Variants in NTNG1 observed in about 807,000 individuals in gnomAD.
The protein encoded by NTNG1 is netrin G1.
NTNG1 carries 16 observed loss-of-function variants against 54.0 expected under a neutral mutation model. The ratio of observed to expected loss-of-function variants is 0.30; its 90% CI spans 0.20 to 0.45. The LOEUF (loss-of-function observed/expected upper bound fraction) is 0.45. Ranked by LOEUF, NTNG1 falls within the 20% of genes least tolerant of loss-of-function variation. The probability of loss-of-function intolerance (pLI) is 1.00; values close to 1 mark genes in which losing one functional copy is unlikely to be tolerated. For synonymous variants in NTNG1, 255 were observed against 263.1 expected, an observed-to-expected ratio of 0.97 and a Z score of 0.30; for missense variants, 530 against 678.7, an observed-to-expected ratio of 0.78 and a Z score of 2.43.
intron 3 of NTNG1, among the ~76,000 whole-genome samples, chr1:107,390,094 G>T (rs1013639906): frequency 1.3e-5 from 2 of 152,124 alleles, no homozygotes; most frequent in Admixed American, 1.3e-4. Context: ...GAATGGGGCT[G>T]GTGAGGATAA....
rs774215988 is a variant in NTNG1, at chr1:107,395,247, G to A, written c.981G>A (p.Gly327=). 2 of 1,613,466 alleles carry A rather than the reference G, an allele frequency of 1.2e-6. No homozygotes were observed. The highest frequency in any genetic ancestry group is 1.3e-5 in the African/African-American group (1 of 74,856). Residue 327 remains glycine, a synonymous_variant, in exon 4 of 8, where the codon GGG becomes GGA. Coordinates refer to ENST00000370068, the MANE Select transcript of NTNG1 (RefSeq NM_001113226.3). ...ACAACACTACAGGTCCAGACTGTGGGAAATGCAAGAAGAATTATCAGGGCC... is the reference window on the plus strand; with the variant it reads ...ACAACACTACAGGTCCAGACTGTGGAAAATGCAAGAAGAATTATCAGGGCC... ...CEHNTTGPDC[G]KCKKNYQGRP... is the part of the protein sequence containing the mutation.
intron 2 of NTNG1, among the ~76,000 whole-genome samples, chr1:107,252,638 G>A (rs1662682196): frequency 6.6e-6 from 1 of 152,154 alleles, no homozygotes; most frequent in Non-Finnish European, 1.5e-5. Context: ...AGTTTGCTAA[G>A]ACACTGATTA....
At chr1:107,298,925 T>A (rs575413054) in intron 2 of NTNG1, among the ~76,000 whole-genome samples, 39 of 152,312 alleles carry the variant, frequency 2.6e-4, no homozygotes, top group Admixed American at 7.8e-4. Flanking sequence ...GTTAGCAGCT[T>A]GGGAGAAAAA....
chr1:107,459,754 A>C (rs987365368), intron 7 of NTNG1, among the ~76,000 whole-genome samples: 1 of 152,190 alleles, frequency 6.6e-6, no homozygotes, highest in Non-Finnish European at 1.5e-5. Flanking sequence ...ACTTTAACCT[A>C]GAACGTTGCT....
intron 3 of NTNG1, among the ~76,000 whole-genome samples, chr1:107,327,733 A>G (rs1668047201): frequency 1.3e-5 from 2 of 152,058 alleles, no homozygotes; most frequent in East Asian, 3.9e-4. Context: ...GGAAATTGAC[A>G]TAAGTTATTT....
At position 107,141,155 on chromosome 1, in the gene NTNG1, G is replaced by C. The variant is rs1202354218; in HGVS notation, c.-526+15G>C. 6.6e-6 allele frequency: 1 copy of C among 152,302 alleles called. No homozygotes were observed. Among genetic ancestry groups the C allele is most frequent in the African/African-American group, 2.4e-5 (1 of 41,408 alleles). The allele number at this position is 152,302 out of a possible 1,614,324, so 9.4% of individuals were successfully genotyped here. A position where few individuals can be genotyped will look rare whatever the true frequency, so the allele number is the denominator to read the frequency against. ...CGGAGGCGAAGGTAATTAAGCGGCGGGGAGTGGCGGGCCGGCGCTGGGTTC... is the reference window on the plus strand; with the variant it reads ...CGGAGGCGAAGGTAATTAAGCGGCGCGGAGTGGCGGGCCGGCGCTGGGTTC... On this transcript the variant is annotated intron_variant, in intron 1 of 7. Coordinates refer to ENST00000370068, the MANE Select transcript of NTNG1 (RefSeq NM_001113226.3).
At chr1:107,278,112 G>A (rs1664601038) in intron 2 of NTNG1, among the ~76,000 whole-genome samples, 1 of 152,018 alleles carries the variant, frequency 6.6e-6, no homozygotes, top group African/African-American at 2.4e-5. Context: ...TTTTCTCATG[G>A]GCTTCATCTT....
intron 4 of NTNG1, among the ~76,000 whole-genome samples, chr1:107,403,391 C>G (rs982156590): frequency 1.3e-5 from 2 of 152,026 alleles, no homozygotes; most frequent in African/African-American, 4.8e-5. Context: ...TAAAATAGTA[C>G]TAATTGCAGA....
intron 2 of NTNG1, among the ~76,000 whole-genome samples, chr1:107,258,297 A>C (rs1288890901): frequency 6.6e-6 from 1 of 151,766 alleles, no homozygotes; most frequent in African/African-American, 2.4e-5. Flanking sequence ...GGAAAAAAAA[A>C]AACCCATGAT....
At chr1:107,250,905 C>T (rs901549337) in intron 2 of NTNG1, among the ~76,000 whole-genome samples, 1 of 152,180 alleles carries the variant, frequency 6.6e-6, no homozygotes, top group African/African-American at 2.4e-5. Flanking sequence ...GGATTTACCA[C>T]CACTGGCAAA....
intron 2 of NTNG1, among the ~76,000 whole-genome samples, chr1:107,293,711 T>G (rs1227826072): frequency 1.3e-5 from 2 of 152,128 alleles, no homozygotes; most frequent in Admixed American, 1.3e-4. Flanking sequence ...GTTGTAAGGA[T>G]TAAATGAGAT....
chr1:107,368,334 A>T (rs1021433820), intron 3 of NTNG1, among the ~76,000 whole-genome samples: 1 of 152,170 alleles, frequency 6.6e-6, no homozygotes, highest in Non-Finnish European at 1.5e-5. Context: ...TACCTAAAAA[A>T]AAAAAACATT....
chr1:107,295,248 T>A (rs1557876604), intron 2 of NTNG1, among the ~76,000 whole-genome samples: 1 of 152,212 alleles, frequency 6.6e-6, no homozygotes, highest in African/African-American at 2.4e-5. Flanking sequence ...TTCTTGTGGT[T>A]CCCTTTAGAT....
intron 5 of NTNG1, among the ~76,000 whole-genome samples, chr1:107,423,445 G>A (rs1285175269): frequency 1.3e-5 from 2 of 152,024 alleles, no homozygotes; most frequent in Non-Finnish European, 2.9e-5. Flanking sequence ...GGCCCAAAAT[G>A]GCAATCGTGC....
At chr1:107,193,992 G>A (rs1439428392) in intron 2 of NTNG1, among the ~76,000 whole-genome samples, 1 of 151,872 alleles carries the variant, frequency 6.6e-6, no homozygotes. Flanking sequence ...TTCTTGCCCA[G>A]GATTTTATCT....
At chr1:107,232,817 GTACTAA>G (rs1338964228) in intron 2 of NTNG1, among the ~76,000 whole-genome samples, 2 of 152,114 alleles carry the variant, frequency 1.3e-5, no homozygotes, top group Admixed American at 1.3e-4. Flanking sequence ...AAAATGGAGG[GTACTAA>G]TAGCATTCAG....
At chr1:107,368,428 T>G (rs929265892) in intron 3 of NTNG1, among the ~76,000 whole-genome samples, 2 of 152,192 alleles carry the variant, frequency 1.3e-5, no homozygotes, top group African/African-American at 4.8e-5. Context: ...TTCCTCATTT[T>G]ACAGATAGGG....
chr1:107,407,637 A>T, intron 4 of NTNG1, 45 bp from the exon 5 acceptor site: 1 of 1,482,176 alleles, frequency 6.7e-7, no homozygotes, highest in South Asian at 1.2e-5. Context: ...GTTATGTACT[A>T]ATAAATAGCT....
chr1:107,399,313 C>G (rs770205697), intron 4 of NTNG1, among the ~76,000 whole-genome samples: 1 of 152,116 alleles, frequency 6.6e-6, no homozygotes, highest in Non-Finnish European at 1.5e-5. Context: ...TGGAGATAGA[C>G]AGAAAACTGA....
Sources: allele counts gnomAD v4.1 joint callset (sites outside exome capture counted in the v4.1 genomes callset), GRCh38; gene constraint gnomAD v4.1.1; transcripts MANE v1.5; gene names NCBI Gene and HGNC (gene_info 2026-07-23, HGNC 2026-07-21).